The following MAP3K19 variants were observed in gnomAD, a reference collection of about 807,000 sequenced individuals.
MAP3K19 encodes mitogen-activated protein kinase kinase kinase 19, also known as SPS1/STE20-related protein kinase YSK4.
In MAP3K19, 91 loss-of-function variants were observed where a neutral mutation model predicts 114.4. The observed-to-expected ratio is 0.80, with a 90% CI of 0.67 to 0.95. The LOEUF (loss-of-function observed/expected upper bound fraction) is 0.95, where lower values mean the gene tolerates loss of function less well. Ranked by LOEUF, MAP3K19 falls within the 40% of genes least tolerant of loss-of-function variation. The pLI is 0.00. For synonymous variants in MAP3K19, 518 were observed against 530.5 expected (o/e 0.98, Z 0.32); for missense variants, 1,471 against 1,573.2 (o/e 0.94, Z 1.10).
chr2:134,980,228 T>G (rs976355571), intron 12 of MAP3K19, among the ~76,000 whole-genome samples: 21 of 152,346 alleles, frequency 1.4e-4, no homozygotes, highest in African/African-American at 5.1e-4. Flanking sequence ...ATTTAAGATT[T>G]CTATGAGCAG....
At chr2:134,967,793 T>G (rs1683475846) in intron 12 of MAP3K19, among the ~76,000 whole-genome samples, 1 of 151,956 alleles carries the variant, frequency 6.6e-6, no homozygotes, top group Admixed American at 6.6e-5. Context: ...CTTGGTATGC[T>G]GAGCGCCGGT....
chr2:135,041,832 AAAAC>A (rs1481024768), intron 1 of MAP3K19, among the ~76,000 whole-genome samples: 4 of 151,610 alleles, frequency 2.6e-5, no homozygotes, highest in African/African-American at 4.9e-5. Flanking sequence ...ATAGCTAAGA[AAAAC>A]AAACAAGAAA....
chr2:135,022,630 C>A (rs1469826608), intron 4 of MAP3K19, among the ~76,000 whole-genome samples: 2 of 152,146 alleles, frequency 1.3e-5, no homozygotes, highest in East Asian at 3.8e-4. Flanking sequence ...ATTTGGCTAA[C>A]AACTGAAATC....
chr2:135,023,116 A>C (rs1333771729), intron 4 of MAP3K19: 1 of 211,358 alleles, frequency 4.7e-6, no homozygotes, highest in African/African-American at 2.3e-5. Context: ...ATCTATACCC[A>C]GACTTTCCAT....
Position 134,999,612 on chromosome 2 carries a change from AG to A in MAP3K19, c.314+324del, listed in dbSNP as rs1686293822. On this transcript the variant is annotated intron_variant, in intron 7 of 12. Transcript: ENST00000392915. This position sits in a 1 kb window ranked among gnomAD's most constrained non-coding sequence, Gnocchi z 4.1. ...ATTCTAAGTAGCTCTGCCCTGCAGT[AG>A]GGTCAGCAAACTACAGCCCGGGGAC... Among the ~76,000 whole-genome samples, 1 of 152,182 alleles carries A rather than the reference AG, an allele frequency of 6.6e-6. No homozygotes were observed. Among genetic ancestry groups the A allele is most frequent in the African/African-American group, 2.4e-5 (1 of 41,450 alleles).
chr2:134,982,310 G>A (rs1053588016), intron 11 of MAP3K19, among the ~76,000 whole-genome samples: 3 of 146,112 alleles, frequency 2.1e-5, no homozygotes, highest in African/African-American at 5.1e-5. Flanking sequence ...TTGTGGAGAC[G>A]AGGTCTCTCT....
chr2:134,986,298 C>T lies in MAP3K19; in HGVS notation c.2574G>A (p.Val858=), dbSNP rs765913606. ...ACTTGTTAGAATTCTTCTCACTGGG[C>T]ACTGCCCAGCTGTCTTCTGAAGGGA... The part of the protein sequence containing the change: ...PFIPSEDSWA[V]PSEKNSNKYV... The change falls in exon 10 of 13, where the codon GTG becomes GTA. Residue 858 remains valine, a synonymous_variant. Coordinates refer to ENST00000392915, the MANE Select transcript of MAP3K19 (RefSeq NM_025052.5). The T allele has an allele frequency of 1.5e-5, 24 of 1,613,990 alleles. No homozygotes were observed. The African/African-American group carries it at 2.7e-4, about 18-fold the overall frequency.
At chr2:135,005,101 TCTC>T (rs1432555009) in intron 6 of MAP3K19, among the ~76,000 whole-genome samples, 3 of 152,216 alleles carry the variant, frequency 2.0e-5, no homozygotes, top group Admixed American at 1.3e-4. Context: ...TGGTTTTTCT[TCTC>T]CTTTGGGCTT....
At chr2:135,036,673 G>A (rs1688536907) in intron 2 of MAP3K19, among the ~76,000 whole-genome samples, 1 of 149,838 alleles carries the variant, frequency 6.7e-6, no homozygotes, top group Admixed American at 6.6e-5. Flanking sequence ...GTGTGTGTGT[G>A]TGTGTGTGAT....
chr2:135,027,329 TAAAG>T (rs58597332), intron 3 of MAP3K19, among the ~76,000 whole-genome samples: 35,062 of 98,510 alleles, frequency 0.36, 5,301 homozygotes, highest in African/African-American at 0.51. Context: ...GACAGAGAAA[TAAAG>T]AAAGAAAGAA....
intron 12 of MAP3K19, among the ~76,000 whole-genome samples, chr2:134,980,081 A>G (rs1402171383): frequency 6.6e-6 from 1 of 152,120 alleles, no homozygotes; most frequent in Non-Finnish European, 1.5e-5. Flanking sequence ...GAGCCTTGCT[A>G]GGTAGGTGGG....
chr2:135,000,403 T>G (rs908675767), intron 6 of MAP3K19, among the ~76,000 whole-genome samples: 3 of 152,258 alleles, frequency 2.0e-5, no homozygotes, highest in African/African-American at 4.8e-5. Context: ...TTTGTAATTT[T>G]GGTCATCTCC....
At chr2:135,041,084 C>T (rs980229484) in intron 1 of MAP3K19, among the ~76,000 whole-genome samples, 1 of 151,692 alleles carries the variant, frequency 6.6e-6, no homozygotes, top group East Asian at 1.9e-4. Context: ...CCACCTTATA[C>T]GTATTTCCTT....
At chr2:134,997,811 C>G (rs1212913924) in intron 8 of MAP3K19, among the ~76,000 whole-genome samples, 261 of 82,716 alleles carry the variant, frequency 3.2e-3, no homozygotes, top group African/African-American at 0.012. Flanking sequence ...GAGCGAGACT[C>G]CGTCTCAAAA....
chr2:134,999,137 TGA>T lies in MAP3K19; in HGVS notation c.315-142_315-141del. On this transcript the variant is annotated intron_variant, in intron 7 of 12. Transcript: ENST00000392915. The surrounding 1 kb of genome is among the most constrained non-coding windows in gnomAD (Gnocchi z 4.1). Reference sequence around the variant, plus strand: ...GCTGCTGAAAGGAAAGGCTGAATCCTGAGAGGGTAAGACATCTCCACCTGCTG... The same window carrying T: ...GCTGCTGAAAGGAAAGGCTGAATCCTGAGGGTAAGACATCTCCACCTGCTG... 1 of 1,003,188 alleles carries T rather than the reference TGA, an allele frequency of 1.0e-6. No individual in the cohort carries two copies. 62.1% of individuals were successfully genotyped at this position (1,003,188 alleles called of 1,614,324 possible).
At chr2:134,996,271 CTTTT>C (rs61265758) in intron 8 of MAP3K19, among the ~76,000 whole-genome samples, 5 of 125,778 alleles carry the variant, frequency 4.0e-5, no homozygotes, top group South Asian at 5.1e-4. Flanking sequence ...CTTCTTATTT[CTTTT>C]TTTTTTTTTT....
Position 135,047,166 on chromosome 2 carries a change from A to G in MAP3K19, c.-424+19T>C, listed in dbSNP as rs1389648303. The G allele has an allele frequency of 6.6e-6, 1 of 152,168 alleles. No individual in the cohort carries two copies. Among genetic ancestry groups the G allele is most frequent in the Non-Finnish European group, 1.5e-5 (1 of 68,028 alleles). The allele number at this position is 152,168 out of a possible 1,614,324, so 9.4% of individuals were successfully genotyped here. A position where few individuals can be genotyped will look rare whatever the true frequency, so the allele number is the denominator to read the frequency against. ...TACAGTTTATCTAAAATGAGATGAA[A>G]AGCAGAGATTCGGCTTACCTGTGCT... is the stretch of plus-strand genomic sequence containing the variant. On this transcript the variant is annotated intron_variant, in intron 1 of 12. Transcript: ENST00000392915.
chr2:135,045,569 CA>C (rs1688726679), intron 1 of MAP3K19, among the ~76,000 whole-genome samples: 1 of 152,204 alleles, frequency 6.6e-6, no homozygotes, highest in African/African-American at 2.4e-5. Context: ...ATATTTATAT[CA>C]CACTTTATTC....
intron 5 of MAP3K19, among the ~76,000 whole-genome samples, chr2:135,017,793 A>G (rs1687677701): frequency 6.6e-6 from 1 of 152,174 alleles, no homozygotes; most frequent in South Asian, 2.1e-4. Flanking sequence ...TCACTTCTCT[A>G]TCCACTTTCT....
Sources: gnomAD v4.1 joint callset for allele counts (sites outside exome capture counted in the v4.1 genomes callset) on GRCh38, gnomAD v4.1.1 for gene constraint, Gnocchi (gnomAD v3.1) non-coding constraint, MANE v1.5 for transcripts, NCBI Gene and HGNC (gene_info 2026-07-23, HGNC 2026-07-21) for gene names.